The following MECR variants were observed in gnomAD, a reference collection of about 807,000 sequenced individuals.
The protein encoded by MECR is enoyl-[acyl-carrier-protein] reductase, mitochondrial.
A neutral mutation model predicts 49.1 loss-of-function variants in MECR; 37 were observed. That is an observed-to-expected ratio of 0.75 (90% CI 0.58 to 0.99). The LOEUF (loss-of-function observed/expected upper bound fraction) is 0.99, where lower values mean the gene tolerates loss of function less well. MECR is among the 50% of genes least tolerant of loss of function. The pLI is 0.00. For missense variants in MECR, 470 were observed against 479.6 expected, an observed-to-expected ratio of 0.98 and a Z score of 0.19; for synonymous variants, 198 against 191.1, an observed-to-expected ratio of 1.04 and a Z score of -0.30.
the MECR span, among the ~76,000 whole-genome samples, chr1:29,186,055 A>T: frequency 6.6e-6 from 1 of 152,206 alleles, no homozygotes; most frequent in African/African-American, 2.4e-5. Flanking sequence ...CTTGGTTGTT[A>T]TATTAACCTA....
chr1:29,217,537 G>A (rs1323587082), intron 1 of MECR, among the ~76,000 whole-genome samples: 1 of 152,018 alleles, frequency 6.6e-6, no homozygotes, highest in Non-Finnish European at 1.5e-5. Context: ...TGCCCACTCT[G>A]GGACAGGAAA....
At chr1:29,180,588 A>C in the MECR span, among the ~76,000 whole-genome samples, 109,845 of 152,104 alleles carry the variant, frequency 0.72, 40,784 homozygotes, top group Non-Finnish European at 0.82. Context: ...CTATATTACA[A>C]CTGTTGCAAA....
At chr1:29,213,939 T>C (rs937743691) in intron 3 of MECR, among the ~76,000 whole-genome samples, 1 of 152,216 alleles carries the variant, frequency 6.6e-6, no homozygotes, top group African/African-American at 2.4e-5. Context: ...TATATCAATA[T>C]GTGGGGAGAT....
rs566883782 is a variant in MECR, at chr1:29,203,970, C to G, written c.551-737G>C. On this transcript the variant is annotated intron_variant, in intron 4 of 9. Transcript: ENST00000263702. ...CCATTGGGGAAGGCGGTGTGACATGCTGGGAAAAATGTGGGCTCTGGAATG... is the reference window on the plus strand; with the variant it reads ...CCATTGGGGAAGGCGGTGTGACATGGTGGGAAAAATGTGGGCTCTGGAATG... 1.4e-4 allele frequency among the ~76,000 whole-genome samples: 22 copies of G among 152,302 alleles called. No homozygotes were observed. The South Asian group carries it at 1.7e-3, about 11-fold the overall frequency.
In MECR at chr1:29,193,965, C is replaced by A; in HGVS notation, c.*57G>T. 6.3e-7 allele frequency: 1 copy of A among 1,591,976 alleles called. No homozygotes were observed. The highest frequency in any genetic ancestry group is 8.6e-7 in the Non-Finnish European group (1 of 1,163,670). On this transcript the variant is annotated 3_prime_UTR_variant, in exon 10 of 10. Transcript: ENST00000263702. ...GTGGGAGCCCCAACTGAGGGGCCTG[C>A]ACCCAGCCCCTCAGATCCGCCTCCC... is the stretch of plus-strand genomic sequence containing the variant.
At chr1:29,195,789 G>T in intron 9 of MECR, 152 bp downstream of exon 9, 2 of 770,256 alleles carry the variant, frequency 2.6e-6, no homozygotes, top group Non-Finnish European at 4.4e-6. Flanking sequence ...ACTGTTTGCT[G>T]ACTGTAGCTG....
chr1:29,181,576 G>A, the MECR span: 4 of 1,345,002 alleles, frequency 3.0e-6, no homozygotes, highest in East Asian at 2.8e-5. Context: ...TCCCTCTCCC[G>A]TCCCCGCGGC....
the MECR span, among the ~76,000 whole-genome samples, chr1:29,177,442 C>T: frequency 2.6e-5 from 4 of 152,040 alleles, no homozygotes; most frequent in East Asian, 1.9e-4. Flanking sequence ...CCACGACGCC[C>T]GGCTAACTTT....
At chr1:29,216,283 G>A in intron 2 of MECR, 147 bp from the exon 3 acceptor site, 1 of 880,004 alleles carries the variant, frequency 1.1e-6, no homozygotes. Context: ...TTGCTTGTCT[G>A]TATAGGGGGA....
chr1:29,170,980 C>T, the MECR span: 1 of 152,186 alleles, frequency 6.6e-6, no homozygotes, highest in Non-Finnish European at 1.5e-5. Flanking sequence ...CATCTCAACA[C>T]ACAGAAAACT....
intron 1 of MECR, among the ~76,000 whole-genome samples, chr1:29,222,593 C>T (rs1681040391): frequency 6.6e-6 from 1 of 152,170 alleles, no homozygotes; most frequent in Admixed American, 6.5e-5. Flanking sequence ...GCACAGCCTG[C>T]CCCAAACAGC....
chr1:29,206,038 T>C (rs1355708703), intron 4 of MECR, among the ~76,000 whole-genome samples: 3 of 152,238 alleles, frequency 2.0e-5, no homozygotes, highest in African/African-American at 7.2e-5. Context: ...GCAAATAGTT[T>C]ACCTTTCTGG....
chr1:29,189,444 C>T (rs554060590), downstream of MECR, among the ~76,000 whole-genome samples: 76 of 151,892 alleles, frequency 5.0e-4, no homozygotes, highest in African/African-American at 1.8e-3. Context: ...AACTCCTGGG[C>T]TCAAGTGATC....
intron 3 of MECR, among the ~76,000 whole-genome samples, chr1:29,210,739 A>G (rs999896395): frequency 2.6e-5 from 4 of 151,530 alleles, no homozygotes; most frequent in African/African-American, 9.7e-5. Context: ...CTGCTTAAAA[A>G]CCCTGGCTCT....
At chr1:29,183,291 A>G in the MECR span, among the ~76,000 whole-genome samples, 2 of 152,250 alleles carry the variant, frequency 1.3e-5, no homozygotes, top group African/African-American at 2.4e-5. Flanking sequence ...ACCATTTTAT[A>G]CACAGTAATT....
intron 7 of MECR, among the ~76,000 whole-genome samples, chr1:29,198,223 A>T (rs1674471805): frequency 6.6e-6 from 1 of 152,258 alleles, no homozygotes; most frequent in South Asian, 2.1e-4. Context: ...CTGCTGCGTG[A>T]CCTGGTTCCT....
intron 7 of MECR, among the ~76,000 whole-genome samples, chr1:29,198,548 G>A (rs1307953822): frequency 1.3e-5 from 2 of 152,160 alleles, no homozygotes; most frequent in South Asian, 2.1e-4. Flanking sequence ...CTCAAATGTG[G>A]GGTCAAGCCT....
At chr1:29,181,827 G>A in the MECR span, 1 of 1,268,414 alleles carries the variant, frequency 7.9e-7, no homozygotes, top group South Asian at 1.9e-5. Flanking sequence ...AGAGCACGGC[G>A]GCAGCGGCGG....
the MECR span, among the ~76,000 whole-genome samples, chr1:29,174,055 G>T: frequency 2.0e-5 from 3 of 151,764 alleles, no homozygotes; most frequent in Non-Finnish European, 4.4e-5. Flanking sequence ...GGGGTGTGGT[G>T]GCAGGCGCCT....
Sources: gnomAD v4.1 joint callset for allele counts (sites outside exome capture counted in the v4.1 genomes callset) on GRCh38, gnomAD v4.1.1 for gene constraint, MANE v1.5 for transcripts, NCBI Gene and HGNC (gene_info 2026-07-23, HGNC 2026-07-21) for gene names.